TTC27: variants seen among roughly 807,000 people sequenced by gnomAD.
TTC27 encodes tetratricopeptide repeat protein 27.
In TTC27, 79 loss-of-function variants were observed where a neutral mutation model predicts 115.9. The observed-to-expected ratio is 0.68, with a 90% CI of 0.57 to 0.82. The LOEUF is 0.82. Among genes scored for constraint, TTC27 ranks in the 40% least tolerant of loss-of-function variants. The pLI, the probability that TTC27 is intolerant of heterozygous loss-of-function variation, is 0.00. For synonymous variants in TTC27, 401 were observed against 356.0 expected (o/e 1.13, Z -1.42); for missense variants, 1,054 against 993.1 (o/e 1.06, Z -0.82).
chr2:32,684,656 G>A lies in TTC27; in HGVS notation c.1119+5734G>A, dbSNP rs1038478018. ...TGATCATAACATAGTTTGCTAATCCGTTTTATAGATGAAAATGATTACCCA... is the reference window on the plus strand; with the variant it reads ...TGATCATAACATAGTTTGCTAATCCATTTTATAGATGAAAATGATTACCCA... On this transcript the variant is annotated intron_variant, in intron 9 of 19. Transcript: ENST00000317907. 4.6e-5 allele frequency among the ~76,000 whole-genome samples: 7 copies of A among 151,906 alleles called. No homozygotes were observed. In the South Asian group the frequency reaches 6.2e-4, roughly 14 times the overall value.
chr2:32,648,319 G>A (rs748262213), intron 4 of TTC27, among the ~76,000 whole-genome samples: 1 of 151,998 alleles, frequency 6.6e-6, no homozygotes, highest in East Asian at 1.9e-4. Context: ...AGTAGGAACC[G>A]GGTTTCATCA....
At chr2:32,805,493 G>C (rs1671097529) in intron 16 of TTC27, among the ~76,000 whole-genome samples, 1 of 152,136 alleles carries the variant, frequency 6.6e-6, no homozygotes, top group South Asian at 2.1e-4. Flanking sequence ...TGCTTCCTAG[G>C]GTTATTGTGA....
At chr2:32,698,435 G>GTTGTTATTATTATTATTA (rs1667066911) in intron 9 of TTC27, among the ~76,000 whole-genome samples, 3 of 145,434 alleles carry the variant, frequency 2.1e-5, no homozygotes, top group South Asian at 4.5e-4. Context: ...CAGCCATAAA[G>GTTGTTATTATTATTATTA]TTATTATTAT....
intron 12 of TTC27, 26 bp downstream of exon 12, chr2:32,736,842 C>T: frequency 1.9e-6 from 3 of 1,609,652 alleles, no homozygotes; most frequent in Non-Finnish European, 2.5e-6. Flanking sequence ...ATTTGATGTA[C>T]TGGTGAGAGC....
At chr2:32,751,202 C>A (rs1385933684) in intron 12 of TTC27, among the ~76,000 whole-genome samples, 3 of 150,128 alleles carry the variant, frequency 2.0e-5, no homozygotes, top group Non-Finnish European at 4.4e-5. Flanking sequence ...TATCATAATC[C>A]ATGACATTTT....
At chr2:32,764,167 C>T (rs1558331785) in intron 13 of TTC27, among the ~76,000 whole-genome samples, 2 of 152,104 alleles carry the variant, frequency 1.3e-5, no homozygotes, top group East Asian at 3.8e-4. Context: ...AATTTATTTT[C>T]CTTAACCTCC....
intron 9 of TTC27, among the ~76,000 whole-genome samples, chr2:32,699,230 T>C (rs1344775666): frequency 6.6e-6 from 1 of 152,160 alleles, no homozygotes. Flanking sequence ...TGGATAGAGA[T>C]GGAGTCACTT....
At chr2:32,765,664 T>C (rs1047155513) in intron 13 of TTC27, among the ~76,000 whole-genome samples, 3 of 152,216 alleles carry the variant, frequency 2.0e-5, no homozygotes, top group African/African-American at 7.2e-5. Flanking sequence ...AAGAAGGTTG[T>C]TTTGTCTTCC....
intron 5 of TTC27, among the ~76,000 whole-genome samples, chr2:32,661,565 C>G (rs1036007849): frequency 6.6e-6 from 1 of 152,048 alleles, no homozygotes; most frequent in Admixed American, 6.6e-5. Context: ...ATTTGGCTCT[C>G]CATTTGTCTG....
chr2:32,650,699 G>T (rs529419538), intron 5 of TTC27, among the ~76,000 whole-genome samples: 1 of 152,030 alleles, frequency 6.6e-6, no homozygotes, highest in Non-Finnish European at 1.5e-5. Context: ...CAAGAAAAGC[G>T]TAAGAAAACA....
At chr2:32,762,258 T>C (rs1669460052) in intron 13 of TTC27, among the ~76,000 whole-genome samples, 1 of 150,460 alleles carries the variant, frequency 6.6e-6, no homozygotes, top group African/African-American at 2.5e-5. Context: ...TGAGCAAAGC[T>C]CTAGAAACAC....
At chr2:32,736,933 C>G in intron 12 of TTC27, 117 bp downstream of exon 12, 1 of 1,358,246 alleles carries the variant, frequency 7.4e-7, no homozygotes, top group Non-Finnish European at 9.8e-7. Context: ...CCTTTTTTCA[C>G]TTTTTTTCCA....
At position 32,758,097 on chromosome 2, in the gene TTC27, A is replaced by G. The variant is rs560002676; in HGVS notation, c.1453-195A>G. Among the ~76,000 whole-genome samples the G allele has an allele frequency of 3.3e-5, 5 of 152,304 alleles. No homozygotes were observed. The South Asian group carries it at 1.0e-3, about 32-fold the overall frequency. ...GCAGTGGTCTGGGACCAAACCCGCA[A>G]TATCTCTGAGGTATGCCTGTATTTA... On this transcript the variant is annotated intron_variant, in intron 12 of 19. Transcript: ENST00000317907.
intron 17 of TTC27, among the ~76,000 whole-genome samples, chr2:32,811,725 A>C (rs1487337403): frequency 2.0e-5 from 3 of 152,248 alleles, no homozygotes; most frequent in Non-Finnish European, 2.9e-5. Flanking sequence ...GTGCGATAGA[A>C]CACCAGTTCC....
chr2:32,659,976 A>G (rs1665477481), intron 5 of TTC27, among the ~76,000 whole-genome samples: 1 of 152,166 alleles, frequency 6.6e-6, no homozygotes, highest in African/African-American at 2.4e-5. Context: ...CAGTAAACAT[A>G]TGTGTGCATG....
Position 32,758,407 on chromosome 2 carries a change from G to A in TTC27, c.1568G>A (p.Arg523Gln), listed in dbSNP as rs772308713. Residue 523 changes from arginine to glutamine, a missense_variant, in exon 13 of 20, where the codon CGG becomes CAG. By Grantham distance (43) the Arg-to-Gln change is conservative (BLOSUM62 1). Transcript: ENST00000317907. ...TATGACAAGGCCTGGGAGTTGTCCCGGTACCGCAGTGCTCGTGCTCAGCGC... is the reference window on the plus strand; with the variant it reads ...TATGACAAGGCCTGGGAGTTGTCCCAGTACCGCAGTGCTCGTGCTCAGCGC... Reference protein sequence around the residue: ...SCYDKAWELSRYRSARAQRSK... With the variant: ...SCYDKAWELSQYRSARAQRSK... The A allele has an allele frequency of 1.1e-5, 18 of 1,614,046 alleles. No individual in the cohort carries two copies. The East Asian group carries it at 1.8e-4, about 16-fold the overall frequency.
intron 12 of TTC27, among the ~76,000 whole-genome samples, chr2:32,746,264 A>G (rs750069388): frequency 2.0e-5 from 3 of 152,032 alleles, no homozygotes; most frequent in Non-Finnish European, 2.9e-5. Context: ...CTTGCATCCT[A>G]TAAGAATGCA....
At chr2:32,687,818 A>G (rs908031975) in intron 9 of TTC27, among the ~76,000 whole-genome samples, 4 of 152,332 alleles carry the variant, frequency 2.6e-5, no homozygotes, top group Admixed American at 2.6e-4. Context: ...AAAAATGGAT[A>G]GAACTAAATT....
chr2:32,749,586 C>A (rs1353485497), intron 12 of TTC27, among the ~76,000 whole-genome samples: 1 of 152,084 alleles, frequency 6.6e-6, no homozygotes. Context: ...CACTTTTGGC[C>A]AGTTTTCTGG....
Sources: allele counts gnomAD v4.1 joint callset (sites outside exome capture counted in the v4.1 genomes callset), GRCh38; gene constraint gnomAD v4.1.1; transcripts MANE v1.5; gene names NCBI Gene and HGNC (gene_info 2026-07-23, HGNC 2026-07-21).